Variants in CDH4 observed in about 807,000 individuals in gnomAD.
CDH4 encodes cadherin-4.
CDH4 carries 33 observed loss-of-function variants against 86.0 expected under a neutral mutation model. The observed-to-expected ratio is 0.38, with a 90% CI of 0.29 to 0.51. The LOEUF is 0.51. Among genes scored for constraint, CDH4 ranks in the 20% least tolerant of loss-of-function variants. CDH4 has a pLI of 0.86. For missense variants in CDH4, 1,114 were observed against 1,307.4 expected (o/e 0.85, Z 2.28); for synonymous variants, 555 against 549.4 (o/e 1.01, Z -0.14).
intron 2 of CDH4, among the ~76,000 whole-genome samples, chr20:61,295,331 G>T (rs764020545): frequency 2.6e-5 from 4 of 152,144 alleles, no homozygotes; most frequent in African/African-American, 9.7e-5. Context: ...GGTATTGAGG[G>T]AGTCTGGAGT....
At chr20:61,873,202 C>T (rs1379746966) in intron 6 of CDH4, among the ~76,000 whole-genome samples, 2 of 152,218 alleles carry the variant, frequency 1.3e-5, no homozygotes, top group Non-Finnish European at 2.9e-5. Flanking sequence ...GCACAGCCTC[C>T]CTGCTCAGAG....
At chr20:61,714,328 G>A (rs945953578) in intron 2 of CDH4, among the ~76,000 whole-genome samples, 1 of 152,140 alleles carries the variant, frequency 6.6e-6, no homozygotes, top group African/African-American at 2.4e-5. Flanking sequence ...TTACAGGCGT[G>A]AGCCACCACG....
At chr20:61,367,675 T>G (rs1440995565) in intron 2 of CDH4, among the ~76,000 whole-genome samples, 1 of 152,060 alleles carries the variant, frequency 6.6e-6, no homozygotes, top group Non-Finnish European at 1.5e-5. Flanking sequence ...GAACAGCACT[T>G]TCTTGCGGCA....
At chr20:61,831,130 C>T (rs1987996162) in intron 4 of CDH4, among the ~76,000 whole-genome samples, 1 of 152,214 alleles carries the variant, frequency 6.6e-6, no homozygotes. Context: ...GCCTCCTCAC[C>T]AGCCTCACAC....
chr20:61,403,056 A>C (rs1259657041), intron 2 of CDH4, among the ~76,000 whole-genome samples: 2 of 152,158 alleles, frequency 1.3e-5, no homozygotes, highest in Non-Finnish European at 2.9e-5. Flanking sequence ...CAGAAAGTTA[A>C]TTTTGCAAAT....
intron 2 of CDH4, among the ~76,000 whole-genome samples, chr20:61,347,485 G>A (rs184796802): frequency 1.3e-3 from 202 of 152,320 alleles, no homozygotes; most frequent in Middle Eastern, 3.4e-3. Flanking sequence ...TGACTCCCAC[G>A]ATGCTTCCTG....
At chr20:61,326,031 T>A (rs1449566856) in intron 2 of CDH4, among the ~76,000 whole-genome samples, 2 of 152,230 alleles carry the variant, frequency 1.3e-5, no homozygotes, top group African/African-American at 2.4e-5. Context: ...ATACCCGTGA[T>A]AGTAGTGGGA....
At chr20:61,338,435 G>C (rs1367048640) in intron 2 of CDH4, among the ~76,000 whole-genome samples, 1 of 152,166 alleles carries the variant, frequency 6.6e-6, no homozygotes, top group African/African-American at 2.4e-5. Flanking sequence ...AAGAGCCAAA[G>C]ACGTTGTTTT....
chr20:61,565,241 G>GGTC (rs1278281894), intron 2 of CDH4, among the ~76,000 whole-genome samples: 5 of 26,980 alleles, frequency 1.9e-4, no homozygotes, highest in Admixed American at 4.2e-4. Context: ...TGGTGGTGGT[G>GGTC]GCGGTGCTCT....
At chr20:61,792,621 A>G (rs1429412880) in intron 4 of CDH4, among the ~76,000 whole-genome samples, 26 of 151,892 alleles carry the variant, frequency 1.7e-4, no homozygotes, top group Admixed American at 1.7e-3. Context: ...AATAAATCAG[A>G]ATATCTTTAG....
rs1217536933 is a variant in CDH4, at chr20:61,562,956, C to T, written c.170-180607C>T. On this transcript the variant is annotated intron_variant, in intron 2 of 15. Transcript: ENST00000614565. ...CTCAGCCCAGGGATGCTGACTGAAG[C>T]CCTCCCAGGAGCACGGCTGGGTCCA... Among the ~76,000 whole-genome samples the T allele has an allele frequency of 2.6e-5, 4 of 152,176 alleles. 1 individual carries two copies. The highest frequency in any genetic ancestry group is 4.1e-4 in the South Asian group (2 of 4,828).
At chr20:61,558,574 G>A (rs2086193929) in intron 2 of CDH4, among the ~76,000 whole-genome samples, 1 of 152,218 alleles carries the variant, frequency 6.6e-6, no homozygotes, top group African/African-American at 2.4e-5. Flanking sequence ...CTCACGCAGT[G>A]CAGGAGATGC....
intron 2 of CDH4, among the ~76,000 whole-genome samples, chr20:61,530,193 G>A (rs1013047131): frequency 2.6e-5 from 4 of 151,968 alleles, no homozygotes; most frequent in Non-Finnish European, 5.9e-5. Flanking sequence ...CCCCACACCC[G>A]GCTAATTTTT....
intron 7 of CDH4, among the ~76,000 whole-genome samples, chr20:61,881,058 G>A (rs762630212): frequency 6.6e-6 from 1 of 152,230 alleles, no homozygotes; most frequent in Non-Finnish European, 1.5e-5. Flanking sequence ...GTCCCTCCCT[G>A]GTGAGGAAGC....
chr20:61,705,660 C>T (rs1352671931), intron 2 of CDH4, among the ~76,000 whole-genome samples: 1 of 152,156 alleles, frequency 6.6e-6, no homozygotes, highest in East Asian at 1.9e-4. Context: ...AAAAGGGGGA[C>T]TCATTGCAGC....
At chr20:61,562,872 C>T (rs1313380115) in intron 2 of CDH4, among the ~76,000 whole-genome samples, 2 of 152,190 alleles carry the variant, frequency 1.3e-5, no homozygotes, top group Non-Finnish European at 2.9e-5. Context: ...CTGTCCTGTC[C>T]GGGACCCCAG....
chr20:61,595,668 C>A (rs1286520550), intron 2 of CDH4, among the ~76,000 whole-genome samples: 3 of 152,202 alleles, frequency 2.0e-5, no homozygotes, highest in Non-Finnish European at 4.4e-5. Context: ...TTCCGAGGCA[C>A]CACGTGCATG....
intron 4 of CDH4, among the ~76,000 whole-genome samples, chr20:61,837,096 G>C (rs564716806): frequency 5.3e-5 from 8 of 152,232 alleles, no homozygotes; most frequent in Non-Finnish European, 8.8e-5. Flanking sequence ...AGGAGACTGA[G>C]GTGGGAGGAT....
At chr20:61,403,292 G>A (rs1212770685) in intron 2 of CDH4, among the ~76,000 whole-genome samples, 2 of 152,198 alleles carry the variant, frequency 1.3e-5, no homozygotes, top group East Asian at 1.9e-4. Flanking sequence ...TCACTTACAG[G>A]AGCAAATACA....
Sources: gnomAD v4.1 joint callset for allele counts (sites outside exome capture counted in the v4.1 genomes callset) on GRCh38, gnomAD v4.1.1 for gene constraint, MANE v1.5 for transcripts, NCBI Gene and HGNC (gene_info 2026-07-23, HGNC 2026-07-21) for gene names.